Variants in CAMTA1 observed in about 807,000 individuals in gnomAD.
The protein encoded by CAMTA1 is calmodulin binding transcription activator 1.
A neutral mutation model predicts 170.9 loss-of-function variants in CAMTA1; 27 were observed. The observed-to-expected ratio is 0.16, with a 90% confidence interval of 0.12 to 0.22. CAMTA1 has a LOEUF of 0.22. Among genes scored for constraint, CAMTA1 ranks in the 10% least tolerant of loss-of-function variants. The pLI is 1.00. For synonymous variants in CAMTA1, 833 were observed against 891.5 expected (o/e 0.93, Z 1.17); for missense variants, 1,619 against 2,217.2 (o/e 0.73, Z 5.42).
chr1:6,793,061 C>T (rs1641585816), intron 1 of CAMTA1, among the ~76,000 whole-genome samples: 4 of 151,736 alleles, frequency 2.6e-5, no homozygotes, highest in Non-Finnish European at 1.5e-5. Flanking sequence ...TATATATATA[C>T]CCCACTCTTA....
At chr1:7,292,847 C>A (rs1673345972) in intron 5 of CAMTA1, among the ~76,000 whole-genome samples, 1 of 152,250 alleles carries the variant, frequency 6.6e-6, no homozygotes. Flanking sequence ...GACAACTGAT[C>A]CCATGCCACG....
At chr1:7,530,410 C>T (rs2094477291) in intron 6 of CAMTA1, among the ~76,000 whole-genome samples, 2 of 152,190 alleles carry the variant, frequency 1.3e-5, no homozygotes, top group Non-Finnish European at 2.9e-5. Context: ...CAGAGCGGCA[C>T]TCTGGTCGGT....
chr1:7,296,325 C>T (rs1004250401), intron 5 of CAMTA1, among the ~76,000 whole-genome samples: 12 of 152,162 alleles, frequency 7.9e-5, no homozygotes, highest in Non-Finnish European at 1.3e-4. Context: ...GTGGCAGGGC[C>T]GAGGTTTGAT....
intron 1 of CAMTA1, among the ~76,000 whole-genome samples, chr1:6,791,488 G>A (rs746488123): frequency 1.3e-5 from 2 of 151,986 alleles, no homozygotes; most frequent in Non-Finnish European, 1.5e-5. Context: ...TTTTTTTGCT[G>A]CATTTAGCCA....
chr1:7,227,430 C>A (rs61780004), intron 4 of CAMTA1, among the ~76,000 whole-genome samples: 2 of 152,030 alleles, frequency 1.3e-5, no homozygotes, highest in African/African-American at 4.8e-5. Context: ...TGGGTTCAAG[C>A]GATTCTCCTG....
At chr1:7,012,616 T>G (rs1277757873) in intron 3 of CAMTA1, among the ~76,000 whole-genome samples, 2 of 152,164 alleles carry the variant, frequency 1.3e-5, no homozygotes, top group Non-Finnish European at 2.9e-5. Flanking sequence ...GTCCTCGCCC[T>G]TGCCTGTCGG....
intron 11 of CAMTA1, among the ~76,000 whole-genome samples, chr1:7,679,164 G>C (rs915195484): frequency 1.3e-5 from 2 of 152,210 alleles, no homozygotes; most frequent in Admixed American, 6.5e-5. Flanking sequence ...AGGGCAGGGT[G>C]ACCAGGGGCT....
At chr1:7,723,733 C>G (rs537286909) in intron 11 of CAMTA1, among the ~76,000 whole-genome samples, 1 of 151,904 alleles carries the variant, frequency 6.6e-6, no homozygotes, top group Non-Finnish European at 1.5e-5. Context: ...AACCCAGAAC[C>G]CAGTCTAAGG....
chr1:6,825,263 A>G, intron 3 of CAMTA1, 53 bp downstream of exon 3: 2 of 914,558 alleles, frequency 2.2e-6, no homozygotes, highest in Non-Finnish European at 3.4e-6. Flanking sequence ...CAAATTTTTT[A>G]GGTTGCTTCA....
At position 7,123,698 on chromosome 1, in the gene CAMTA1, T is replaced by C. The variant is rs371067603; in HGVS notation, c.302+32327T>C. On this transcript the variant is annotated intron_variant, in intron 4 of 22. Coordinates refer to ENST00000303635, the MANE Select transcript of CAMTA1 (RefSeq NM_015215.4). ...ACTGCCCTCACTCCCGATTCCTTCA[T>C]TGGGGATGCCTGTTCTGGCCCTTGA... Among the ~76,000 whole-genome samples, 98 of 152,230 alleles carry C rather than the reference T, an allele frequency of 6.4e-4. 1 individual carries two copies. In the South Asian group the frequency reaches 0.01, roughly 16 times the overall value.
chr1:7,481,405 A>T (rs962529046), intron 6 of CAMTA1, among the ~76,000 whole-genome samples: 4 of 152,102 alleles, frequency 2.6e-5, no homozygotes, highest in African/African-American at 9.7e-5. Context: ...GGGCCTTTGC[A>T]CATGCTCCTC....
At chr1:7,584,307 C>T (rs904062369) in intron 6 of CAMTA1, among the ~76,000 whole-genome samples, 4 of 151,768 alleles carry the variant, frequency 2.6e-5, no homozygotes, top group South Asian at 2.1e-4. Context: ...CATCAGGGGA[C>T]GGAAGCTGAC....
chr1:7,157,406 G>A lies in CAMTA1; in HGVS notation c.302+66035G>A, dbSNP rs894708935. On this transcript the variant is annotated intron_variant, in intron 4 of 22. Transcript: ENST00000303635. ...AAAACAAAAAAAAATTTTTTAGCAA[G>A]TTAGGGATAGAAGAGCCCATTCTTA... 7.4e-5 allele frequency among the ~76,000 whole-genome samples: 11 copies of A among 149,012 alleles called. 1 individual carries two copies. The South Asian group carries it at 2.3e-3, about 32-fold the overall frequency.
At chr1:6,958,164 C>T (rs868575623) in intron 3 of CAMTA1, among the ~76,000 whole-genome samples, 25 of 152,164 alleles carry the variant, frequency 1.6e-4, no homozygotes, top group African/African-American at 5.6e-4. Flanking sequence ...CCTGGAGAAC[C>T]TAGCATTAGC....
intron 4 of CAMTA1, among the ~76,000 whole-genome samples, chr1:7,126,116 C>A (rs1644917972): frequency 6.6e-6 from 1 of 152,130 alleles, no homozygotes; most frequent in Admixed American, 6.5e-5. Flanking sequence ...GACTTTTTCA[C>A]TACCATGAGA....
intron 4 of CAMTA1, among the ~76,000 whole-genome samples, chr1:7,200,975 C>T (rs1165472960): frequency 6.6e-6 from 1 of 152,018 alleles, no homozygotes; most frequent in Non-Finnish European, 1.5e-5. Context: ...CATAAATGTG[C>T]CCCCATTGAT....
intron 5 of CAMTA1, among the ~76,000 whole-genome samples, chr1:7,400,466 C>G (rs72853169): frequency 6.6e-6 from 1 of 151,980 alleles, no homozygotes; most frequent in Non-Finnish European, 1.5e-5. Flanking sequence ...TTTTTCCAGG[C>G]AATTTGTAAA....
intron 5 of CAMTA1, among the ~76,000 whole-genome samples, chr1:7,259,097 C>CGCT (rs1667819201): frequency 6.6e-6 from 1 of 152,100 alleles, no homozygotes; most frequent in Non-Finnish European, 1.5e-5. Flanking sequence ...CTTTGATGGC[C>CGCT]GCTGGCTCCG....
intron 4 of CAMTA1, among the ~76,000 whole-genome samples, chr1:7,237,047 C>G (rs1168355607): frequency 6.6e-6 from 1 of 152,214 alleles, no homozygotes; most frequent in Non-Finnish European, 1.5e-5. Flanking sequence ...ACTGCCTTTC[C>G]CTCCAGCCAG....
Sources: allele counts gnomAD v4.1 joint callset (sites outside exome capture counted in the v4.1 genomes callset), GRCh38; gene constraint gnomAD v4.1.1; transcripts MANE v1.5; gene names NCBI Gene and HGNC (gene_info 2026-07-23, HGNC 2026-07-21).